FAM20C: variants seen among roughly 807,000 people sequenced by gnomAD.
FAM20C encodes the protein FAM20C golgi associated secretory pathway kinase.
A neutral mutation model predicts 51.5 loss-of-function variants in FAM20C; 40 were observed. The ratio of observed to expected loss-of-function variants is 0.78; its 90% CI spans 0.60 to 1.01. FAM20C has a LOEUF of 1.01. Ranked by LOEUF, FAM20C falls within the 50% of genes least tolerant of loss-of-function variation. FAM20C has a pLI of 0.00. For missense variants in FAM20C, 861 were observed against 844.7 expected, an observed-to-expected ratio of 1.02 and a Z score of -0.24; for synonymous variants, 406 against 380.6, an observed-to-expected ratio of 1.07 and a Z score of -0.78.
At chr7:207,024 G>A (rs866462908) in intron 2 of FAM20C, among the ~76,000 whole-genome samples, 1 of 47,568 alleles carries the variant, frequency 2.1e-5, no homozygotes, top group African/African-American at 9.6e-5. Context: ...CCCCGCACAC[G>A]TATCCACTGT....
At chr7:209,694 G>C (rs1786609975) in intron 3 of FAM20C, among the ~76,000 whole-genome samples, 1 of 152,244 alleles carries the variant, frequency 6.6e-6, no homozygotes, top group Admixed American at 6.5e-5. Context: ...GAAGGGGCCA[G>C]CGGCCTGTCA....
At chr7:240,343 T>TAATGATG in intron 3 of FAM20C, among the ~76,000 whole-genome samples, 5 of 1,346 alleles carry the variant, frequency 3.7e-3, no homozygotes, top group Middle Eastern at 0.25. Flanking sequence ...ATGATTATGA[T>TAATGATG]GTTGATAAAG....
chr7:258,198 A>G (rs372448348), intron 8 of FAM20C, among the ~76,000 whole-genome samples: 1,414 of 56,812 alleles, frequency 0.025, 168 homozygotes, highest in Middle Eastern at 0.12. Context: ...GGAGATAGGC[A>G]GGGTGGACCC....
chr7:223,098 T>C (rs1483331636), intron 3 of FAM20C, among the ~76,000 whole-genome samples: 1 of 151,094 alleles, frequency 6.6e-6, no homozygotes, highest in African/African-American at 2.4e-5. Context: ...TGTGGGGGAG[T>C]GTGCACGTGT....
chr7:212,883 T>C (rs1468855928), intron 3 of FAM20C, among the ~76,000 whole-genome samples: 1 of 152,224 alleles, frequency 6.6e-6, no homozygotes, highest in East Asian at 1.9e-4. Context: ...GAACTGTGCG[T>C]TCATCACCGC....
chr7:258,041 C>T lies in FAM20C; in HGVS notation c.1446-605C>T, dbSNP rs1429376965. Among the ~76,000 whole-genome samples the T allele has an allele frequency of 2.5e-5, 2 of 79,342 alleles. 1 individual carries two copies. Among genetic ancestry groups the T allele is most frequent in the Non-Finnish European group, 5.3e-5 (2 of 37,970 alleles). 52.1% of individuals were successfully genotyped at this position (79,342 alleles called of 152,430 possible). ...GCTGGGTGGACCCACTGCCCGGGTG[C>T]TGGAGATAGGCAGTGTGGACCCACT... On this transcript the variant is annotated intron_variant, in intron 8 of 9. Transcript: ENST00000313766.
intron 2 of FAM20C, among the ~76,000 whole-genome samples, chr7:203,472 G>T (rs74414873): frequency 0.031 from 4,692 of 152,334 alleles, 197 homozygotes; most frequent in African/African-American, 0.095. Flanking sequence ...ACAGGAGGGT[G>T]GGCGTCTGTA....
At chr7:229,136 G>A (rs1787563869) in intron 3 of FAM20C, 1 of 327,356 alleles carries the variant, frequency 3.1e-6, no homozygotes, top group African/African-American at 2.2e-5. Context: ...GTCCAGATGA[G>A]GTCTCGTCAT....
intron 3 of FAM20C, among the ~76,000 whole-genome samples, chr7:233,178 C>T (rs908198992): frequency 0.055 from 8,445 of 152,256 alleles, 290 homozygotes; most frequent in Non-Finnish European, 0.082. Flanking sequence ...TGGGGGCTCC[C>T]GTGAGGACGC....
chr7:250,792 G>A (rs985510836), intron 5 of FAM20C, among the ~76,000 whole-genome samples: 4 of 152,240 alleles, frequency 2.6e-5, no homozygotes, highest in Non-Finnish European at 4.4e-5. Flanking sequence ...CTGGATGCCC[G>A]ACTGCTTCTT....
chr7:231,291 C>A (rs1009103371), intron 3 of FAM20C, among the ~76,000 whole-genome samples: 1 of 152,096 alleles, frequency 6.6e-6, no homozygotes, highest in Non-Finnish European at 1.5e-5. Context: ...CCGGGGTGGC[C>A]GGGGCGGGAG....
At chr7:202,629 G>A in intron 2 of FAM20C, among the ~76,000 whole-genome samples, 1 of 147,828 alleles carries the variant, frequency 6.8e-6, no homozygotes, top group East Asian at 2.0e-4. Context: ...TGTGCATAGA[G>A]AGAATGGGTG....
At chr7:211,309 C>G (rs1278271579) in intron 3 of FAM20C, among the ~76,000 whole-genome samples, 1 of 150,090 alleles carries the variant, frequency 6.7e-6, no homozygotes, top group African/African-American at 2.5e-5. Flanking sequence ...CATCTCCCAG[C>G]CTCCTCCCAG....
chr7:250,467 G>A (rs1788352885), intron 5 of FAM20C, among the ~76,000 whole-genome samples: 2 of 152,196 alleles, frequency 1.3e-5, no homozygotes, highest in African/African-American at 2.4e-5. Flanking sequence ...GGTCTTTGAG[G>A]GCTCCCCGGT....
intron 3 of FAM20C, among the ~76,000 whole-genome samples, chr7:209,657 G>A (rs757733898): frequency 6.6e-6 from 1 of 152,246 alleles, no homozygotes; most frequent in African/African-American, 2.4e-5. Flanking sequence ...GCTGGGCTGG[G>A]TGGGGTCTGT....
chr7:202,650 G>A (rs532405150), intron 2 of FAM20C, among the ~76,000 whole-genome samples: 1 of 149,564 alleles, frequency 6.7e-6, no homozygotes. Context: ...GCTGCTGGGT[G>A]AGATTGCACT....
At chr7:245,358 A>C (rs890274662) in intron 3 of FAM20C, among the ~76,000 whole-genome samples, 6 of 152,084 alleles carry the variant, frequency 3.9e-5, no homozygotes, top group African/African-American at 1.2e-4. Flanking sequence ...TTCTTCCTGG[A>C]TTGGGGGCTG....
chr7:220,800 G>A (rs142650773), intron 3 of FAM20C, among the ~76,000 whole-genome samples: 4 of 152,336 alleles, frequency 2.6e-5, no homozygotes, highest in African/African-American at 9.6e-5. Flanking sequence ...GGCCTGGGGC[G>A]GTCAGCTGCA....
At position 259,753 on chromosome 7, in the gene FAM20C, C is replaced by T. The variant is rs1169359622; in HGVS notation, c.1528C>T (p.Arg510Cys). The change falls in exon 10 of 10, where the codon CGT becomes TGT. Residue 510 changes from arginine (R) to cysteine (C), a missense_variant. By Grantham distance (180) the Arg-to-Cys change is radical. Coordinates refer to ENST00000313766, the MANE Select transcript of FAM20C (RefSeq NM_020223.4). ...CAGGATCCGGAAGTCCACCTACCTGCGTCTGCAGCTCCTGGCCAAGGAGGA... is the reference window on the plus strand; with the variant it reads ...CAGGATCCGGAAGTCCACCTACCTGTGTCTGCAGCTCCTGGCCAAGGAGGA... ...CCRIRKSTYLRLQLLAKEEYK... is the reference protein window; with the variant it reads ...CCRIRKSTYLCLQLLAKEEYK... The T allele has an allele frequency of 5.2e-6, 8 of 1,536,182 alleles. No individual in the cohort carries two copies. Among genetic ancestry groups the T allele is most frequent in the Non-Finnish European group, 6.1e-6 (7 of 1,146,398 alleles).
Sources: gnomAD v4.1 joint callset for allele counts (sites outside exome capture counted in the v4.1 genomes callset) on GRCh38, gnomAD v4.1.1 for gene constraint, MANE v1.5 for transcripts, NCBI Gene and HGNC (gene_info 2026-07-23, HGNC 2026-07-21) for gene names.